TMEM131: variants seen among roughly 807,000 people sequenced by gnomAD.
TMEM131 encodes 2610524E03Rik.
TMEM131 carries 66 observed loss-of-function variants against 211.6 expected under a neutral mutation model. The ratio of observed to expected loss-of-function variants is 0.31; its 90% CI spans 0.26 to 0.38. The LOEUF is 0.38. Ranked by LOEUF, TMEM131 falls within the 10% of genes least tolerant of loss-of-function variation. The pLI is 1.00. For synonymous variants in TMEM131, 844 were observed against 841.3 expected, an observed-to-expected ratio of 1.00 and a Z score of -0.06; for missense variants, 2,036 against 2,299.3, an observed-to-expected ratio of 0.89 and a Z score of 2.34.
At chr2:97,902,174 G>C (rs373695012) in intron 3 of TMEM131, among the ~76,000 whole-genome samples, 1 of 152,100 alleles carries the variant, frequency 6.6e-6, no homozygotes, top group South Asian at 2.1e-4. Context: ...GTACAACACA[G>C]ATGGGTGTGG....
chr2:97,949,664 A>T (rs1409912176), intron 1 of TMEM131, among the ~76,000 whole-genome samples: 1 of 151,492 alleles, frequency 6.6e-6, no homozygotes, highest in Non-Finnish European at 1.5e-5. Flanking sequence ...AAAAAAATAC[A>T]AAAAAATTAG....
At chr2:97,865,000 C>T (rs1345329916) in intron 4 of TMEM131, among the ~76,000 whole-genome samples, 2 of 152,216 alleles carry the variant, frequency 1.3e-5, no homozygotes, top group Non-Finnish European at 2.9e-5. Flanking sequence ...TAGGAAGACA[C>T]CTTTGTCCCA....
At chr2:97,943,037 A>AAAAGAAAAGAAAAGAAAAGAAAAGAAAG (rs1559464422) in intron 1 of TMEM131, among the ~76,000 whole-genome samples, 10 of 66,052 alleles carry the variant, frequency 1.5e-4, no homozygotes, top group Non-Finnish European at 2.6e-4. Flanking sequence ...AAAAGAAAAG[A>AAAAGAAAAGAAAAGAAAAGAAAAGAAAG]AAAGAAAGAA....
intron 4 of TMEM131, among the ~76,000 whole-genome samples, chr2:97,875,232 T>C (rs956844658): frequency 4.6e-5 from 7 of 152,174 alleles, no homozygotes; most frequent in African/African-American, 1.7e-4. Flanking sequence ...CTTAGAGACC[T>C]ACAAAGAGAC....
chr2:97,974,231 T>C (rs553413091), intron 1 of TMEM131, among the ~76,000 whole-genome samples: 3 of 152,242 alleles, frequency 2.0e-5, no homozygotes, highest in Admixed American at 6.5e-5. Context: ...TAAGGGTGGA[T>C]TAGACATGCA....
At chr2:97,914,527 C>T (rs1676428154) in intron 2 of TMEM131, among the ~76,000 whole-genome samples, 1 of 152,328 alleles carries the variant, frequency 6.6e-6, no homozygotes, top group East Asian at 1.9e-4. Flanking sequence ...TAATCACACT[C>T]ATCTTCCTCC....
Position 97,995,496 on chromosome 2 carries a change from G to T in TMEM131, c.167C>A (p.Ala56Glu). Residue 56 changes from alanine (A) to glutamate (E), a missense_variant, in exon 1 of 41, where the codon GCG (alanine) becomes GAG (glutamate). Transcript: ENST00000186436. ...LHLVMTLVVA[A>E]ARAEKEAFVQ... Reference sequence around the variant, plus strand: ...CCCACCTTCCTTCTCGGCCCGCGCCGCAGCCACTACGAGGGTCATCACCAG... The same window carrying T: ...CCCACCTTCCTTCTCGGCCCGCGCCTCAGCCACTACGAGGGTCATCACCAG... 1 of 1,409,234 alleles carries T rather than the reference G, an allele frequency of 7.1e-7. No individual in the cohort carries two copies. The highest frequency in any genetic ancestry group is 9.3e-7 in the Non-Finnish European group (1 of 1,076,140). 87.3% of individuals were successfully genotyped at this position (1,409,234 alleles called of 1,614,324 possible).
At chr2:97,981,738 T>C (rs903777808) in intron 1 of TMEM131, among the ~76,000 whole-genome samples, 3 of 152,158 alleles carry the variant, frequency 2.0e-5, no homozygotes, top group Admixed American at 2.0e-4. Context: ...TAGACAACCA[T>C]GTTATCTATT....
chr2:97,794,232 C>A (rs1680652148), intron 29 of TMEM131, among the ~76,000 whole-genome samples: 1 of 151,906 alleles, frequency 6.6e-6, no homozygotes, highest in Non-Finnish European at 1.5e-5. Context: ...GACGGGGTTT[C>A]ACCATGTTGG....
chr2:97,922,848 T>C (rs566291458), intron 2 of TMEM131, among the ~76,000 whole-genome samples: 5 of 152,168 alleles, frequency 3.3e-5, no homozygotes, highest in African/African-American at 9.6e-5. Context: ...TGCCTTGCAT[T>C]CCCTCCCCAA....
chr2:97,780,016 T>A (rs1679920915), intron 31 of TMEM131, among the ~76,000 whole-genome samples: 2 of 151,076 alleles, frequency 1.3e-5, no homozygotes, highest in Admixed American at 6.6e-5. Context: ...TGAGACCTTT[T>A]CTCCAAAAAA....
intron 1 of TMEM131, among the ~76,000 whole-genome samples, chr2:97,945,341 T>TG (rs1677983450): frequency 6.6e-6 from 1 of 152,156 alleles, no homozygotes. Context: ...GGATTTCTTT[T>TG]GGGGTGATGG....
chr2:97,890,800 G>C (rs756998247), intron 3 of TMEM131, among the ~76,000 whole-genome samples: 2 of 152,082 alleles, frequency 1.3e-5, no homozygotes, highest in Non-Finnish European at 2.9e-5. Flanking sequence ...CAAATCCTTA[G>C]ATAAGTTTTA....
intron 12 of TMEM131, among the ~76,000 whole-genome samples, chr2:97,815,568 A>G (rs1681784695): frequency 1.3e-5 from 2 of 152,220 alleles, no homozygotes; most frequent in Non-Finnish European, 2.9e-5. Flanking sequence ...ACTGTACCTA[A>G]GCTGCTTTGC....
At chr2:97,965,051 G>A (rs576428801) in intron 1 of TMEM131, among the ~76,000 whole-genome samples, 10 of 152,164 alleles carry the variant, frequency 6.6e-5, no homozygotes, top group African/African-American at 1.7e-4. Flanking sequence ...CCCCAAGAGC[G>A]TAAGAGCTCC....
intron 4 of TMEM131, among the ~76,000 whole-genome samples, chr2:97,864,270 A>G (rs947287962): frequency 9.9e-5 from 15 of 152,158 alleles, no homozygotes; most frequent in Admixed American, 4.6e-4. Context: ...GATGATTAAT[A>G]CGTATAAAGA....
chr2:97,825,469 C>G (rs568864610), intron 11 of TMEM131, among the ~76,000 whole-genome samples: 9 of 152,268 alleles, frequency 5.9e-5, no homozygotes, highest in African/African-American at 2.2e-4. Flanking sequence ...TCCTTGGCAT[C>G]ACCAGCTTTT....
At chr2:97,912,362 A>C (rs916957845) in intron 2 of TMEM131, among the ~76,000 whole-genome samples, 1 of 152,202 alleles carries the variant, frequency 6.6e-6, no homozygotes, top group Admixed American at 6.5e-5. Flanking sequence ...TCTCTAGAGG[A>C]CAGGGAAATT....
At position 97,943,447 on chromosome 2, in the gene TMEM131, A is replaced by C. The variant is rs550385830; in HGVS notation, c.188-15960T>G. 4.6e-5 allele frequency among the ~76,000 whole-genome samples: 7 copies of C among 152,346 alleles called. No individual in the cohort carries two copies. The East Asian group carries it at 9.6e-4, about 21-fold the overall frequency. On this transcript the variant is annotated intron_variant, in intron 1 of 40. Transcript: ENST00000186436. ...AAATCATATCTAGAAACATATACAA[A>C]GGATTATACATCTCGAACAAGTACA... is the stretch of plus-strand genomic sequence containing the variant.
Sources: gnomAD v4.1 joint callset for allele counts (sites outside exome capture counted in the v4.1 genomes callset) on GRCh38, gnomAD v4.1.1 for gene constraint, MANE v1.5 for transcripts, NCBI Gene and HGNC (gene_info 2026-07-23, HGNC 2026-07-21) for gene names.